EYS: variants seen among roughly 807,000 people sequenced by gnomAD.
The protein encoded by EYS is protein eyes shut homolog.
Under a neutral mutation model 282.1 loss-of-function variants are expected in EYS, and 250 were observed. The observed-to-expected ratio is 0.89, with a 90% CI of 0.80 to 0.98. The LOEUF (loss-of-function observed/expected upper bound fraction) is 0.98. Ranked by LOEUF, EYS falls within the 50% of genes least tolerant of loss-of-function variation. The pLI is 0.00. For synonymous variants in EYS, 1,355 were observed against 1,282.9 expected, an observed-to-expected ratio of 1.06 and a Z score of -1.20; for missense variants, 4,016 against 3,709.0, an observed-to-expected ratio of 1.08 and a Z score of -2.15.
chr6:64,842,623 C>T (rs779308629), intron 19 of EYS, among the ~76,000 whole-genome samples: 8 of 151,714 alleles, frequency 5.3e-5, no homozygotes, highest in East Asian at 1.9e-4. Flanking sequence ...GAGGTGGTCT[C>T]GGATGGAGAT....
At chr6:65,270,188 C>T (rs1383519523) in intron 12 of EYS, among the ~76,000 whole-genome samples, 1 of 152,114 alleles carries the variant, frequency 6.6e-6, no homozygotes, top group Non-Finnish European at 1.5e-5. Flanking sequence ...TAAACATTCT[C>T]ATTCCAAAAG....
At chr6:65,308,633 T>C (rs977499736) in intron 11 of EYS, among the ~76,000 whole-genome samples, 4 of 150,710 alleles carry the variant, frequency 2.7e-5, no homozygotes, top group Non-Finnish European at 4.4e-5. Flanking sequence ...TCTGTTTCCT[T>C]TTCTATCTAA....
intron 22 of EYS, among the ~76,000 whole-genome samples, chr6:64,798,851 C>T (rs1299551200): frequency 6.6e-6 from 1 of 151,840 alleles, no homozygotes; most frequent in East Asian, 1.9e-4. Flanking sequence ...TTTCATTCTA[C>T]TCCCACATTT....
rs1384447766 is a variant in EYS, at chr6:64,294,219, C to A, written c.6191+12751G>T. ...CATCACCAAATAAAAACCAAAATAC[C>A]AAACTGGTGAATCAGTTTCTCTGTC... On this transcript the variant is annotated intron_variant, in intron 30 of 42. Transcript: ENST00000503581. Among the ~76,000 whole-genome samples the A allele has an allele frequency of 5.9e-5, 9 of 152,056 alleles. No individual in the cohort carries two copies. The East Asian group carries it at 1.7e-3, about 29-fold the overall frequency.
At chr6:64,721,024 G>A (rs1335595320) in intron 22 of EYS, among the ~76,000 whole-genome samples, 1 of 151,120 alleles carries the variant, frequency 6.6e-6, no homozygotes, top group African/African-American at 2.4e-5. Flanking sequence ...TATTCTCTAA[G>A]CCAAATATTC....
At chr6:64,798,900 C>A (rs911392209) in intron 22 of EYS, among the ~76,000 whole-genome samples, 1 of 151,880 alleles carries the variant, frequency 6.6e-6, no homozygotes, top group African/African-American at 2.4e-5. Context: ...CTTCCAAATT[C>A]TCTGGATCCT....
chr6:64,004,630 C>T (rs1768256589), intron 33 of EYS, among the ~76,000 whole-genome samples: 1 of 152,264 alleles, frequency 6.6e-6, no homozygotes, highest in East Asian at 1.9e-4. Flanking sequence ...CTCAAGTAGG[C>T]TCCAGTGTCC....
At chr6:64,943,988 G>C (rs1157685870) in intron 15 of EYS, among the ~76,000 whole-genome samples, 5 of 151,952 alleles carry the variant, frequency 3.3e-5, no homozygotes, top group African/African-American at 1.2e-4. Context: ...CAGCATGGCA[G>C]CATTGCACTG....
chr6:65,649,538 T>C (rs1462804514), intron 1 of EYS, among the ~76,000 whole-genome samples: 1 of 152,260 alleles, frequency 6.6e-6, no homozygotes, highest in Non-Finnish European at 1.5e-5. Flanking sequence ...TTTCATAAGA[T>C]AAGTTTGATG....
At chr6:64,149,003 T>G (rs1188308289) in intron 31 of EYS, among the ~76,000 whole-genome samples, 1 of 152,194 alleles carries the variant, frequency 6.6e-6, no homozygotes, top group African/African-American at 2.4e-5. Context: ...CTCTAATTAT[T>G]GAGACACTTT....
chr6:64,561,582 CA>C (rs1459354279), intron 26 of EYS, among the ~76,000 whole-genome samples: 2 of 151,708 alleles, frequency 1.3e-5, no homozygotes, highest in Admixed American at 1.3e-4. Context: ...ACAGTTGGCA[CA>C]AAAGGAATAA....
At chr6:65,414,040 CA>C (rs1463627442) in intron 5 of EYS, among the ~76,000 whole-genome samples, 1 of 152,024 alleles carries the variant, frequency 6.6e-6, no homozygotes, top group African/African-American at 2.4e-5. Context: ...TGATTTATTA[CA>C]AGCAAATAGA....
At chr6:65,214,714 A>G (rs907797240) in intron 12 of EYS, among the ~76,000 whole-genome samples, 13 of 152,340 alleles carry the variant, frequency 8.5e-5, no homozygotes, top group African/African-American at 3.1e-4. Context: ...GCTATGGAGG[A>G]GACATCATAG....
At chr6:65,184,238 G>T (rs575571269) in intron 12 of EYS, among the ~76,000 whole-genome samples, 2 of 151,956 alleles carry the variant, frequency 1.3e-5, no homozygotes, top group African/African-American at 4.8e-5. Context: ...TCTGGAGGCT[G>T]GGAACTCCAA....
At chr6:64,398,245 T>A (rs541797962) in intron 28 of EYS, among the ~76,000 whole-genome samples, 4 of 151,994 alleles carry the variant, frequency 2.6e-5, no homozygotes, top group African/African-American at 9.6e-5. Flanking sequence ...TGAACACGTG[T>A]TAGGAGACAG....
chr6:64,779,639 T>C (rs554799556), intron 22 of EYS, among the ~76,000 whole-genome samples: 27 of 152,264 alleles, frequency 1.8e-4, no homozygotes, highest in African/African-American at 5.1e-4. Context: ...ACATGGACTT[T>C]AGTTAACAAT....
At chr6:64,899,324 A>C (rs771650667) in intron 18 of EYS, among the ~76,000 whole-genome samples, 14 of 152,322 alleles carry the variant, frequency 9.2e-5, no homozygotes, top group Non-Finnish European at 1.9e-4. Flanking sequence ...AACTACATGG[A>C]AACTGAATGA....
At chr6:64,111,727 T>G (rs113159045) in intron 31 of EYS, among the ~76,000 whole-genome samples, 6,409 of 152,102 alleles carry the variant, frequency 0.042, 398 homozygotes, top group African/African-American at 0.14. Flanking sequence ...TATTTTTAAA[T>G]AGTAATCAGA....
intron 32 of EYS, among the ~76,000 whole-genome samples, chr6:64,068,852 T>C (rs1320887874): frequency 6.6e-6 from 1 of 151,926 alleles, no homozygotes; most frequent in Admixed American, 6.6e-5. Context: ...CTGGTGAGTG[T>C]TATTTGATAT....
Sources: allele counts gnomAD v4.1 joint callset (sites outside exome capture counted in the v4.1 genomes callset), GRCh38; gene constraint gnomAD v4.1.1; transcripts MANE v1.5; gene names NCBI Gene and HGNC (gene_info 2026-07-23, HGNC 2026-07-21).